RBFOX1: variants seen among roughly 807,000 people sequenced by gnomAD.
RBFOX1 encodes RNA binding protein fox-1 homolog 1.
A neutral mutation model predicts 57.7 loss-of-function variants in RBFOX1; 8 were observed. The observed-to-expected ratio is 0.14, with a 90% confidence interval of 0.08 to 0.25. The LOEUF is 0.25. Ranked by LOEUF, RBFOX1 falls within the 10% of genes least tolerant of loss-of-function variation. The pLI is 1.00. For missense variants in RBFOX1, 611 were observed against 548.5 expected (o/e 1.11, Z -1.14); for synonymous variants, 326 against 222.4 (o/e 1.47, Z -4.15).
At chr16:6,747,045 A>G (rs990555529) in intron 3 of RBFOX1, among the ~76,000 whole-genome samples, 5 of 152,178 alleles carry the variant, frequency 3.3e-5, no homozygotes, top group Non-Finnish European at 7.3e-5. Flanking sequence ...AAGTCCTAGC[A>G]GACCTCTGCA....
At chr16:7,017,151 G>A (rs932816049) in intron 3 of RBFOX1, among the ~76,000 whole-genome samples, 4 of 152,122 alleles carry the variant, frequency 2.6e-5, no homozygotes, top group African/African-American at 7.2e-5. Flanking sequence ...CAGCTGTTAA[G>A]GTGCAAACAG....
intron 3 of RBFOX1, among the ~76,000 whole-genome samples, chr16:5,828,588 A>G (rs2056157670): frequency 6.6e-6 from 1 of 151,990 alleles, no homozygotes; most frequent in South Asian, 2.1e-4. Flanking sequence ...AGTCCCAGCT[A>G]CTCGGGAGGC....
chr16:6,939,321 T>A (rs990211363), intron 3 of RBFOX1, among the ~76,000 whole-genome samples: 8 of 152,010 alleles, frequency 5.3e-5, no homozygotes, highest in African/African-American at 1.9e-4. Context: ...AACAATAAAT[T>A]ACCTAGAGTC....
At chr16:5,786,446 G>T (rs543445966) in intron 3 of RBFOX1, among the ~76,000 whole-genome samples, 1 of 114,446 alleles carries the variant, frequency 8.7e-6, no homozygotes, top group Non-Finnish European at 2.0e-5. Flanking sequence ...TGTTTATGCA[G>T]AGTTGAAATA....
In RBFOX1 at chr16:6,196,668, A is replaced by G. The variant is rs563363157; in HGVS notation, c.-126-120327A>G. ...CATTATTATTTTCATTTTTTTCCTG[A>G]TGCTGTCAGCTTGTTATTTGTGCTA... is the stretch of plus-strand genomic sequence containing the variant. On this transcript the variant is annotated intron_variant, in intron 1 of 15. Transcript: ENST00000550418. 7.2e-5 allele frequency among the ~76,000 whole-genome samples: 11 copies of G among 152,240 alleles called. No homozygotes were observed. In the South Asian group the frequency reaches 2.3e-3, roughly 32 times the overall value.
chr16:5,396,227 G>C (rs1409475472), intron 1 of RBFOX1, among the ~76,000 whole-genome samples: 1 of 152,196 alleles, frequency 6.6e-6, no homozygotes, highest in Admixed American at 6.5e-5. Flanking sequence ...CATCTGAAAT[G>C]TTACCAAGGT....
chr16:5,956,670 A>ATTTTT (rs1303621980), intron 4 of RBFOX1, among the ~76,000 whole-genome samples: 11 of 45,854 alleles, frequency 2.4e-4, no homozygotes, highest in South Asian at 5.2e-4. Context: ...ATATATATAT[A>ATTTTT]TATATATATT....
At chr16:7,222,295 T>C (rs565046223) in intron 4 of RBFOX1, among the ~76,000 whole-genome samples, 26 of 152,310 alleles carry the variant, frequency 1.7e-4, no homozygotes, top group African/African-American at 6.0e-4. Context: ...AATACTACAC[T>C]AGACAGGCAA....
At chr16:6,340,728 A>G (rs948051768) in intron 2 of RBFOX1, among the ~76,000 whole-genome samples, 1 of 152,126 alleles carries the variant, frequency 6.6e-6, no homozygotes, top group African/African-American at 2.4e-5. Context: ...TATGACCTGT[A>G]TCTTGTGCTG....
At chr16:6,671,649 T>A (rs577200568) in intron 3 of RBFOX1, among the ~76,000 whole-genome samples, 27 of 152,288 alleles carry the variant, frequency 1.8e-4, no homozygotes, top group African/African-American at 6.5e-4. Flanking sequence ...CAAAGTCCGT[T>A]CTATCATTCT....
rs548988174 is a variant in RBFOX1, at chr16:6,786,159, G to A, written c.-16+131509G>A. ...CCCCCTAAATGAATGGAGTTCGGGG[G>A]CCAGGCGAAGATTCCCATGACCCTG... On this transcript the variant is annotated intron_variant, in intron 3 of 15. Transcript: ENST00000550418. Among the ~76,000 whole-genome samples, 8 of 152,256 alleles carry A rather than the reference G, an allele frequency of 5.3e-5. No homozygotes were observed. In the East Asian group the frequency reaches 7.7e-4, roughly 15 times the overall value.
chr16:6,862,257 C>T (rs558444520), intron 3 of RBFOX1, among the ~76,000 whole-genome samples: 4 of 152,232 alleles, frequency 2.6e-5, no homozygotes, highest in South Asian at 2.1e-4. Flanking sequence ...GAGTCCTAGG[C>T]CACCTCCAGA....
chr16:6,580,607 G>A (rs1420063), intron 2 of RBFOX1, among the ~76,000 whole-genome samples: 68,961 of 151,990 alleles, frequency 0.45, 16,685 homozygotes, highest in East Asian at 0.67. Flanking sequence ...ATGCATAATA[G>A]TGATTGTATT....
chr16:5,355,590 T>C (rs2065367707), intron 1 of RBFOX1, among the ~76,000 whole-genome samples: 1 of 152,134 alleles, frequency 6.6e-6, no homozygotes, highest in East Asian at 1.9e-4. Flanking sequence ...TCTTCCTTGA[T>C]GTAATTAGGA....
intron 3 of RBFOX1, among the ~76,000 whole-genome samples, chr16:7,026,561 C>A (rs1223627060): frequency 6.6e-6 from 1 of 152,058 alleles, no homozygotes; most frequent in African/African-American, 2.4e-5. Flanking sequence ...CATACGGCTT[C>A]TCCCCGTCCC....
intron 2 of RBFOX1, among the ~76,000 whole-genome samples, chr16:6,456,479 C>G (rs534477015): frequency 4.6e-5 from 7 of 152,112 alleles, no homozygotes; most frequent in Non-Finnish European, 8.8e-5. Context: ...TTGGGAAGAG[C>G]CACAGTCAAT....
At chr16:7,073,375 C>G (rs377375562) in intron 4 of RBFOX1, among the ~76,000 whole-genome samples, 1 of 152,128 alleles carries the variant, frequency 6.6e-6, no homozygotes, top group Non-Finnish European at 1.5e-5. Context: ...ATCTTCCCAA[C>G]AAAGCATGAA....
At position 6,689,600 on chromosome 16, in the gene RBFOX1, A is replaced by C. The variant is rs535826029; in HGVS notation, c.-16+34950A>C. ...TCTATGACAATGTCTACTATAAACA[A>C]TATCAAAGGGTTTCTGTATTTTATA... is the stretch of plus-strand genomic sequence containing the variant. On this transcript the variant is annotated intron_variant, in intron 3 of 15. Transcript: ENST00000550418. Among the ~76,000 whole-genome samples the C allele has an allele frequency of 2.0e-5, 3 of 152,290 alleles. No homozygotes were observed. The South Asian group carries it at 6.2e-4, about 32-fold the overall frequency.
At chr16:5,633,632 G>A (rs1209110506) in intron 3 of RBFOX1, among the ~76,000 whole-genome samples, 1 of 152,130 alleles carries the variant, frequency 6.6e-6, no homozygotes, top group African/African-American at 2.4e-5. Flanking sequence ...CCAGCACTTT[G>A]GGAGGTCGAG....
Sources: gnomAD v4.1 joint callset for allele counts (sites outside exome capture counted in the v4.1 genomes callset) on GRCh38, gnomAD v4.1.1 for gene constraint, MANE v1.5 for transcripts, NCBI Gene and HGNC (gene_info 2026-07-23, HGNC 2026-07-21) for gene names.